The following CTNND2 variants were observed in gnomAD, a reference collection of about 807,000 sequenced individuals.
CTNND2 encodes catenin delta-2.
CTNND2 carries 22 observed loss-of-function variants against 144.4 expected under a neutral mutation model. The ratio of observed to expected loss-of-function variants is 0.15; its 90% CI spans 0.11 to 0.22. The LOEUF is 0.22. Among genes scored for constraint, CTNND2 ranks in the 10% least tolerant of loss-of-function variants. The pLI is 1.00. For synonymous variants in CTNND2, 751 were observed against 695.6 expected, an observed-to-expected ratio of 1.08 and a Z score of -1.25; for missense variants, 1,353 against 1,618.8, an observed-to-expected ratio of 0.84 and a Z score of 2.82.
At chr5:11,329,529 A>C (rs753155469) in intron 9 of CTNND2, among the ~76,000 whole-genome samples, 1 of 152,208 alleles carries the variant, frequency 6.6e-6, no homozygotes, top group Non-Finnish European at 1.5e-5. Context: ...TGGGATTTCA[A>C]CATATACATT....
chr5:10,999,239 T>TATA (rs1398082086), intron 18 of CTNND2, among the ~76,000 whole-genome samples: 1 of 152,268 alleles, frequency 6.6e-6, no homozygotes, highest in Admixed American at 6.5e-5. Context: ...AATCTATTAT[T>TATA]CATTTGCTTC....
chr5:11,459,087 AG>A (rs1765977285), intron 3 of CTNND2, among the ~76,000 whole-genome samples: 1 of 152,140 alleles, frequency 6.6e-6, no homozygotes, highest in Non-Finnish European at 1.5e-5. Flanking sequence ...ACTTCTTATA[AG>A]GAATCAATAA....
intron 17 of CTNND2, among the ~76,000 whole-genome samples, chr5:11,020,509 T>C (rs1245915330): frequency 1.3e-5 from 2 of 152,184 alleles, no homozygotes; most frequent in Non-Finnish European, 2.9e-5. Context: ...AAATAAATTC[T>C]ATTTCCTTAA....
chr5:11,637,215 T>C (rs955594741), intron 2 of CTNND2, among the ~76,000 whole-genome samples: 1 of 152,188 alleles, frequency 6.6e-6, no homozygotes, highest in Non-Finnish European at 1.5e-5. Flanking sequence ...AGCACTTAAA[T>C]ACTAATAGAG....
At chr5:11,793,623 G>A (rs1411364314) in intron 1 of CTNND2, among the ~76,000 whole-genome samples, 1 of 152,204 alleles carries the variant, frequency 6.6e-6, no homozygotes, top group Non-Finnish European at 1.5e-5. Context: ...GGAACTACCA[G>A]AAGCTGGAGA....
chr5:11,151,070 G>A (rs1757719191), intron 12 of CTNND2, among the ~76,000 whole-genome samples: 1 of 152,196 alleles, frequency 6.6e-6, no homozygotes, highest in African/African-American at 2.4e-5. Context: ...CTTGTTCTGT[G>A]AGCTGTACTA....
chr5:11,628,037 A>G (rs893288010), intron 2 of CTNND2, among the ~76,000 whole-genome samples: 1 of 151,940 alleles, frequency 6.6e-6, no homozygotes, highest in African/African-American at 2.4e-5. Flanking sequence ...CCAGGTACCT[A>G]ACAGGCCATG....
At chr5:11,376,324 G>GTGTGTGTGTTCATGTATC (rs1554044788) in intron 7 of CTNND2, among the ~76,000 whole-genome samples, 1 of 149,160 alleles carries the variant, frequency 6.7e-6, no homozygotes, top group African/African-American at 2.5e-5. Context: ...GTGTGTGTGT[G>GTGTGTGTGTTCATGTATC]TGTGTGTGTG....
chr5:11,597,253 C>A (rs2126307161), intron 2 of CTNND2, among the ~76,000 whole-genome samples: 1 of 152,276 alleles, frequency 6.6e-6, no homozygotes, highest in African/African-American at 2.4e-5. Context: ...TGGGGCCCTT[C>A]CGTGTATGTT....
intron 3 of CTNND2, among the ~76,000 whole-genome samples, chr5:11,506,027 G>A (rs377218045): frequency 1.3e-5 from 2 of 152,116 alleles, no homozygotes; most frequent in African/African-American, 4.8e-5. Flanking sequence ...CACATTTCTA[G>A]GGTGGTACCC....
intron 2 of CTNND2, among the ~76,000 whole-genome samples, chr5:11,638,020 CCTCT>C (rs1202997331): frequency 6.6e-6 from 1 of 152,084 alleles, no homozygotes; most frequent in East Asian, 1.9e-4. Flanking sequence ...AAGATAACAG[CCTCT>C]CTTTTTTCAT....
chr5:11,293,976 G>A (rs1748628876), intron 9 of CTNND2, among the ~76,000 whole-genome samples: 1 of 151,372 alleles, frequency 6.6e-6, no homozygotes, highest in Non-Finnish European at 1.5e-5. Context: ...CTCAAAGTTT[G>A]GTTCAGGAAC....
At chr5:11,744,685 TTG>T (rs61002492) in intron 1 of CTNND2, among the ~76,000 whole-genome samples, 1 of 147,748 alleles carries the variant, frequency 6.8e-6, no homozygotes, top group South Asian at 2.1e-4. Flanking sequence ...GTGTGTGTGT[TTG>T]TGTGTGTGCG....
At position 11,614,023 on chromosome 5, in the gene CTNND2, C is replaced by A. The variant is rs189161207; in HGVS notation, c.175-48967G>T. Among the ~76,000 whole-genome samples the A allele has an allele frequency of 7.1e-4, 108 of 152,168 alleles. No homozygotes were observed. In the Middle Eastern group the frequency reaches 0.02, roughly 29 times the overall value. ...ATGTAGTGAAGAGTAAAATGTCTGC[C>A]AATTGAAAAAGTTTGAATACTTTCA... On this transcript the variant is annotated intron_variant, in intron 2 of 21. Coordinates refer to ENST00000304623, the MANE Select transcript of CTNND2 (RefSeq NM_001332.4).
chr5:11,352,008 T>G (rs192363985), intron 8 of CTNND2, among the ~76,000 whole-genome samples: 123 of 152,330 alleles, frequency 8.1e-4, no homozygotes, highest in African/African-American at 2.7e-3. Flanking sequence ...TCATCATTAA[T>G]AACTGAACTA....
At chr5:11,859,406 G>A (rs13177858) in intron 1 of CTNND2, among the ~76,000 whole-genome samples, 98,962 of 152,066 alleles carry the variant, frequency 0.65, 32,818 homozygotes, top group East Asian at 0.81. Flanking sequence ...AGAAATTAAA[G>A]TATCTTCCCA....
At chr5:11,796,104 A>G (rs1791386850) in intron 1 of CTNND2, among the ~76,000 whole-genome samples, 1 of 152,144 alleles carries the variant, frequency 6.6e-6, no homozygotes, top group African/African-American at 2.4e-5. Flanking sequence ...AGACACACCC[A>G]GGGAAGGTTC....
intron 1 of CTNND2, among the ~76,000 whole-genome samples, chr5:11,791,623 A>G (rs1169932586): frequency 6.6e-6 from 1 of 152,252 alleles, no homozygotes; most frequent in Non-Finnish European, 1.5e-5. Flanking sequence ...AAACGTTGCC[A>G]TAGAAACACA....
intron 9 of CTNND2, among the ~76,000 whole-genome samples, chr5:11,294,355 A>G (rs1270082996): frequency 6.6e-6 from 1 of 152,154 alleles, no homozygotes; most frequent in Non-Finnish European, 1.5e-5. Context: ...GAAAAACACT[A>G]ATGTGCTGAG....
Sources: gnomAD v4.1 joint callset for allele counts (sites outside exome capture counted in the v4.1 genomes callset) on GRCh38, gnomAD v4.1.1 for gene constraint, MANE v1.5 for transcripts, NCBI Gene and HGNC (gene_info 2026-07-23, HGNC 2026-07-21) for gene names.